CREB5: variants seen among roughly 807,000 people sequenced by gnomAD.
CREB5 encodes the protein cAMP responsive element binding protein 5, also known as cyclic AMP-responsive element-binding protein 5.
In CREB5, 19 loss-of-function variants were observed where a neutral mutation model predicts 57.1. That is an observed-to-expected ratio of 0.33 (90% confidence interval 0.23 to 0.49). The LOEUF is 0.49. Ranked by LOEUF, CREB5 falls within the 20% of genes least tolerant of loss-of-function variation. The probability of loss-of-function intolerance (pLI) is 0.99; values close to 1 mark genes in which losing one functional copy is unlikely to be tolerated. For synonymous variants in CREB5, 238 were observed against 238.3 expected (o/e 1.00, Z 0.01); for missense variants, 579 against 671.6 (o/e 0.86, Z 1.52).
At chr7:28,688,271 A>G (rs1801055208) in intron 5 of CREB5, among the ~76,000 whole-genome samples, 1 of 152,206 alleles carries the variant, frequency 6.6e-6, no homozygotes, top group African/African-American at 2.4e-5. Context: ...ACTGCCAAAA[A>G]GAGTGGCAGA....
chr7:28,739,167 C>T (rs923058314), intron 7 of CREB5, among the ~76,000 whole-genome samples: 2 of 152,172 alleles, frequency 1.3e-5, no homozygotes, highest in African/African-American at 4.8e-5. Flanking sequence ...GTCCTGTGCT[C>T]TTCAATACAG....
At chr7:28,767,488 T>C (rs1266918611) in intron 7 of CREB5, among the ~76,000 whole-genome samples, 2 of 152,198 alleles carry the variant, frequency 1.3e-5, no homozygotes, top group Non-Finnish European at 2.9e-5. Flanking sequence ...AACTTGGCAG[T>C]GGTTCTGATT....
chr7:28,660,929 G>T (rs1490751696), intron 5 of CREB5, among the ~76,000 whole-genome samples: 2 of 152,102 alleles, frequency 1.3e-5, no homozygotes, highest in African/African-American at 4.8e-5. Flanking sequence ...TCTGTTGTTT[G>T]CCAGGCCTTG....
chr7:28,441,587 T>C (rs191305854), intron 1 of CREB5, among the ~76,000 whole-genome samples: 79 of 152,314 alleles, frequency 5.2e-4, no homozygotes, highest in African/African-American at 1.9e-3. Flanking sequence ...TATTGTTCTT[T>C]GAAAAAAATA....
chr7:28,374,569 G>A (rs12535186), intron 1 of CREB5, among the ~76,000 whole-genome samples: 25,207 of 152,108 alleles, frequency 0.17, 2,588 homozygotes, highest in Non-Finnish European at 0.24. Flanking sequence ...AAAATATTGC[G>A]ATAAGTGAGG....
chr7:28,323,671 C>A (rs1020073431), intron 1 of CREB5, among the ~76,000 whole-genome samples: 2 of 152,148 alleles, frequency 1.3e-5, no homozygotes, highest in Admixed American at 6.5e-5. Flanking sequence ...CACCAGAGAC[C>A]AGTTTTATGG....
intron 5 of CREB5, among the ~76,000 whole-genome samples, chr7:28,690,965 G>A (rs1351010127): frequency 2.0e-5 from 3 of 152,314 alleles, no homozygotes; most frequent in African/African-American, 4.8e-5. Context: ...CGATTAAAAT[G>A]CCAAATTTCC....
chr7:28,793,693 G>A (rs1374012308), intron 7 of CREB5, among the ~76,000 whole-genome samples: 1 of 152,230 alleles, frequency 6.6e-6, no homozygotes, highest in Admixed American at 6.5e-5. Flanking sequence ...CTAGAGAGCT[G>A]GGTGATGTGG....
intron 1 of CREB5, among the ~76,000 whole-genome samples, chr7:28,430,254 A>G (rs73297126): frequency 0.017 from 2,622 of 152,286 alleles, 87 homozygotes; most frequent in African/African-American, 0.059. Flanking sequence ...CTTTATAGTT[A>G]ACATTGCTGT....
intron 5 of CREB5, among the ~76,000 whole-genome samples, chr7:28,700,827 C>T (rs1481814653): frequency 1.3e-5 from 2 of 152,072 alleles, no homozygotes; most frequent in Non-Finnish European, 1.5e-5. Context: ...TTAACTCAGG[C>T]CTAAGTTTCA....
At chr7:28,477,780 G>C (rs778957020) in intron 1 of CREB5, among the ~76,000 whole-genome samples, 1 of 152,084 alleles carries the variant, frequency 6.6e-6, no homozygotes. Context: ...AGATATGAAG[G>C]ACTTTTCTAG....
intron 1 of CREB5, among the ~76,000 whole-genome samples, chr7:28,417,532 C>A (rs533572804): frequency 6.6e-6 from 1 of 152,146 alleles, no homozygotes; most frequent in Non-Finnish European, 1.5e-5. Context: ...AGTAGTACCA[C>A]CTGTGGAACT....
intron 1 of CREB5, among the ~76,000 whole-genome samples, chr7:28,432,714 A>T (rs1179617764): frequency 6.6e-6 from 1 of 152,238 alleles, no homozygotes; most frequent in Non-Finnish European, 1.5e-5. Context: ...TGAAAAAATG[A>T]TAGCTATATC....
intron 7 of CREB5, among the ~76,000 whole-genome samples, chr7:28,725,645 T>TAAA (rs1554291840): frequency 8.9e-6 from 1 of 112,372 alleles, no homozygotes; most frequent in Admixed American, 8.9e-5. Context: ...TATCTTTTTT[T>TAAA]AAAAAAAAAA....
rs544783700 is a variant in CREB5 at position 28,746,553 on chromosome 7, T to G, written c.702+22221T>G. On this transcript the variant is annotated intron_variant, in intron 7 of 10. Transcript: ENST00000357727. ...CTGTGAGAAGCACTGTTTTAGGAAC[T>G]AATGAACCTTAAGAGATTCTGTCCA... Among the ~76,000 whole-genome samples, 6 of 152,354 alleles carry G rather than the reference T, an allele frequency of 3.9e-5. No homozygotes were observed. In the East Asian group the frequency reaches 9.6e-4, roughly 24 times the overall value.
At chr7:28,460,062 C>T (rs370546884) in intron 1 of CREB5, among the ~76,000 whole-genome samples, 25 of 152,278 alleles carry the variant, frequency 1.6e-4, no homozygotes, top group African/African-American at 6.0e-4. Context: ...AACTGTTCCA[C>T]TACTGTAATG....
At chr7:28,622,174 G>A (rs1409222872) in intron 5 of CREB5, among the ~76,000 whole-genome samples, 1 of 152,078 alleles carries the variant, frequency 6.6e-6, no homozygotes. Context: ...TTTCCTGTGA[G>A]CGAAACTTGG....
intron 1 of CREB5, among the ~76,000 whole-genome samples, chr7:28,433,850 T>C (rs1788829639): frequency 6.6e-6 from 1 of 151,812 alleles, no homozygotes; most frequent in Admixed American, 6.6e-5. Context: ...TCAGTTATAA[T>C]CTTCCTCATA....
intron 1 of CREB5, among the ~76,000 whole-genome samples, chr7:28,451,708 G>A (rs991087960): frequency 5.9e-5 from 9 of 151,954 alleles, no homozygotes; most frequent in African/African-American, 7.3e-5. Flanking sequence ...GAAGTATGGC[G>A]GTCCTACAGG....
Sources: allele counts gnomAD v4.1 joint callset (sites outside exome capture counted in the v4.1 genomes callset), GRCh38; gene constraint gnomAD v4.1.1; transcripts MANE v1.5; gene names NCBI Gene and HGNC (gene_info 2026-07-23, HGNC 2026-07-21).